DAP3: variants seen among roughly 807,000 people sequenced by gnomAD.
DAP3 encodes the protein small ribosomal subunit protein mS29.
Under a neutral mutation model 51.9 loss-of-function variants are expected in DAP3, and 28 were observed. The ratio of observed to expected loss-of-function variants is 0.54; its 90% CI spans 0.40 to 0.74. The LOEUF (loss-of-function observed/expected upper bound fraction) is 0.74. Ranked by LOEUF, DAP3 falls within the 30% of genes least tolerant of loss-of-function variation. DAP3 has a pLI of 0.00. For synonymous variants in DAP3, 170 were observed against 170.3 expected, an observed-to-expected ratio of 1.00 and a Z score of 0.01; for missense variants, 458 against 483.5, an observed-to-expected ratio of 0.95 and a Z score of 0.49.
At chr1:155,707,796 T>C (rs1656187697) in intron 1 of DAP3, among the ~76,000 whole-genome samples, 2 of 152,312 alleles carry the variant, frequency 1.3e-5, no homozygotes, top group South Asian at 4.1e-4. Flanking sequence ...TGAAGCTTTT[T>C]GGTTTTGAAT....
intron 6 of DAP3, 195 bp downstream of exon 6, chr1:155,726,214 A>G (rs1658567874): frequency 5.1e-6 from 2 of 391,694 alleles, no homozygotes; most frequent in Non-Finnish European, 9.1e-6. Context: ...CCCAGGCTCA[A>G]GAGATTCTCC....
intron 6 of DAP3, 54 bp from the exon 7 acceptor site, chr1:155,727,554 G>C: frequency 6.4e-7 from 1 of 1,574,718 alleles, no homozygotes; most frequent in Non-Finnish European, 8.6e-7. Flanking sequence ...AGAATATTTC[G>C]AGTTGAATAC....
At chr1:155,708,699 T>C (rs1369537101) in intron 1 of DAP3, among the ~76,000 whole-genome samples, 1 of 148,468 alleles carries the variant, frequency 6.7e-6, no homozygotes, top group African/African-American at 2.5e-5. Flanking sequence ...CACTCCTGAC[T>C]AATTTTTTTT....
rs766241879 is a variant in DAP3 at position 155,729,370 on chromosome 1, G to A, written c.843+4G>A. ...GAAAAGAGAAGATAAAAGCCCGGTA[G>A]GAAAACTGGGTGTCTCTATCTTGTT... On this transcript the variant is annotated splice_donor_region_variant and intron_variant, in intron 9 of 12. Transcript: ENST00000368336. The A allele has an allele frequency of 2.7e-5, 43 of 1,612,932 alleles. No individual in the cohort carries two copies. The highest frequency in any genetic ancestry group is 3.6e-5 in the Non-Finnish European group (43 of 1,179,658).
At chr1:155,697,533 C>T (rs981526244) in intron 1 of DAP3, among the ~76,000 whole-genome samples, 2 of 151,992 alleles carry the variant, frequency 1.3e-5, no homozygotes, top group Non-Finnish European at 2.9e-5. Flanking sequence ...GCCCCTGAGC[C>T]GCAAAACCAG....
intron 6 of DAP3, chr1:155,726,284 A>ATT: frequency 5.5e-6 from 1 of 182,886 alleles, no homozygotes; most frequent in Non-Finnish European, 1.0e-5. Flanking sequence ...ACGCCCAGCT[A>ATT]ATTTTTTTTT....
chr1:155,704,647 C>T (rs1655720028), intron 1 of DAP3, among the ~76,000 whole-genome samples: 1 of 152,144 alleles, frequency 6.6e-6, no homozygotes, highest in Non-Finnish European at 1.5e-5. Context: ...ATGTCATATG[C>T]TTCTTGAATG....
Position 155,717,088 on chromosome 1 carries a change from A to G in DAP3, c.128A>G (p.Glu43Gly). ...CACCTAGATAACCAGGTTCCAGTTG[A>G]GAGTCCGAGAGCTATTTCCCGCACC... ...AAHLDNQVPV[E>G]SPRAISRTNE... Residue 43 changes from glutamate to glycine, a missense_variant, in exon 3 of 13, where the codon GAG becomes GGG. By Grantham distance (98) the Glu-to-Gly change is moderately conservative. Transcript: ENST00000368336. 6.2e-7 allele frequency: 1 copy of G among 1,614,120 alleles called. No individual in the cohort carries two copies. The highest frequency in any genetic ancestry group is 8.5e-7 in the Non-Finnish European group (1 of 1,180,030).
rs1657641816 is a variant in DAP3 at position 155,718,743 on chromosome 1, G to GATAGATAGAT, written c.168+1622_168+1623insGATATAGATA. ...AGATAGATAGATAGATAGATAGATA[G>GATAGATAGAT]ATAGATATAGATATAGATGAAGATA... On this transcript the variant is annotated intron_variant, in intron 3 of 12. Transcript: ENST00000368336. Among the ~76,000 whole-genome samples, 6 of 139,192 alleles carry GATAGATAGAT rather than the reference G, an allele frequency of 4.3e-5. No individual in the cohort carries two copies. In the East Asian group the frequency reaches 7.8e-4, roughly 18 times the overall value. The allele number at this position is 139,192 out of a possible 152,430, so 91.3% of individuals were successfully genotyped here. A position where few individuals can be genotyped will look rare whatever the true frequency, so the allele number is the denominator to read the frequency against.
Position 155,731,950 on chromosome 1 carries a change from G to A in DAP3, c.910G>A (p.Gly304Ser). The A allele has an allele frequency of 6.2e-7, 1 of 1,609,396 alleles. No individual in the cohort carries two copies. Among genetic ancestry groups the A allele is most frequent in the Non-Finnish European group, 8.5e-7 (1 of 1,177,988 alleles). Residue 304 changes from glycine to serine, a missense_variant, in exon 11 of 13, where the codon GGC (glycine) becomes AGC (serine). By Grantham distance (56) the Gly-to-Ser change is moderately conservative (BLOSUM62 0). Coordinates refer to ENST00000368336, the MANE Select transcript of DAP3 (RefSeq NM_004632.4). Reference sequence around the variant, plus strand: ...CTTTTCTCTTTTCTTTCAGCATGGAGGCGCCATTGTGTCGGCTTTGAGCCA... The same window carrying A: ...CTTTTCTCTTTTCTTTCAGCATGGAAGCGCCATTGTGTCGGCTTTGAGCCA... ...RKMMKNDWHG[G>S]AIVSALSQTG...
Position 155,725,408 on chromosome 1 carries a change from G to A in DAP3, c.297G>A (p.Leu99=). ...MQVKTFSEAC[L]MVRKPALELL... Reference sequence around the variant, plus strand: ...TGAAGACATTCAGTGAAGCTTGCCTGATGGTAAGGAAACCAGCCCTAGAAC... The same window carrying A: ...TGAAGACATTCAGTGAAGCTTGCCTAATGGTAAGGAAACCAGCCCTAGAAC... The change falls in exon 5 of 13, where the codon CTG becomes CTA. Residue 99 remains leucine, a synonymous_variant. Coordinates refer to ENST00000368336, the MANE Select transcript of DAP3 (RefSeq NM_004632.4). The A allele has an allele frequency of 6.2e-7, 1 of 1,614,042 alleles. No homozygotes were observed. Among genetic ancestry groups the A allele is most frequent in the East Asian group, 2.2e-5 (1 of 44,884 alleles).
chr1:155,701,667 A>C (rs1039659269), intron 1 of DAP3, among the ~76,000 whole-genome samples: 1 of 136,748 alleles, frequency 7.3e-6, no homozygotes, highest in Non-Finnish European at 1.5e-5. Flanking sequence ...ACACCCAAGA[A>C]TTATCAATAA....
intron 4 of DAP3, chr1:155,721,883 C>T: frequency 1.9e-6 from 1 of 517,356 alleles, no homozygotes; most frequent in Non-Finnish European, 3.4e-6. Context: ...TAAAATTTGC[C>T]TTGGCAAAAT....
rs1349902753 is a variant in DAP3 at position 155,696,807 on chromosome 1, GTTA to G, written c.-8+7637_-8+7639del. ...AATGATATCTGGCTGCAGGTTCTTT[GTTA>G]TTAATGGCAGGGATAGTAAAGGCAA... On this transcript the variant is annotated intron_variant, in intron 1 of 12. Transcript: ENST00000368336. Among the ~76,000 whole-genome samples the G allele has an allele frequency of 7.9e-5, 12 of 152,296 alleles. No individual in the cohort carries two copies. The East Asian group carries it at 1.4e-3, about 17-fold the overall frequency.
At chr1:155,705,490 C>T (rs1655842142) in intron 1 of DAP3, among the ~76,000 whole-genome samples, 1 of 150,012 alleles carries the variant, frequency 6.7e-6, no homozygotes, top group Admixed American at 6.6e-5. Flanking sequence ...ATATTCCCAG[C>T]TACTTGAAAG....
chr1:155,728,104 AT>A (rs766081201), intron 7 of DAP3, among the ~76,000 whole-genome samples: 1 of 152,072 alleles, frequency 6.6e-6, no homozygotes, highest in Admixed American at 6.6e-5. Context: ...TACCCTGGTG[AT>A]TCTTAGATAC....
At chr1:155,709,339 T>A (rs1656410943) in intron 1 of DAP3, among the ~76,000 whole-genome samples, 1 of 152,134 alleles carries the variant, frequency 6.6e-6, no homozygotes, top group African/African-American at 2.4e-5. Flanking sequence ...AAAGACAGGG[T>A]CTCACTTTGT....
chr1:155,709,751 AC>A lies in DAP3; in HGVS notation c.-7-21del, dbSNP rs768798268. On this transcript the variant is annotated intron_variant, in intron 1 of 12. Transcript: ENST00000368336. ...TTTCCCATTTGTGGTTTACCTTTTCACTTTTTTTTTTTTTGTAACAGTGCAA... is the reference window on the plus strand; with the variant it reads ...TTTCCCATTTGTGGTTTACCTTTTCATTTTTTTTTTTTTGTAACAGTGCAA... 14 of 1,521,482 alleles carry A rather than the reference AC, an allele frequency of 9.2e-6. No individual in the cohort carries two copies. The South Asian group carries it at 1.5e-4, about 16-fold the overall frequency. The allele number at this position is 1,521,482 out of a possible 1,614,324, so 94.2% of individuals were successfully genotyped here. A position where few individuals can be genotyped will look rare whatever the true frequency, so the allele number is the denominator to read the frequency against.
At chr1:155,689,006 C>T (rs1395424668), upstream of DAP3, 11 of 1,595,794 alleles carry the variant, frequency 6.9e-6, no homozygotes, top group Non-Finnish European at 9.4e-6. Context: ...CGAGGGCGGC[C>T]TAGCGCCCCT....
Sources: gnomAD v4.1 joint callset for allele counts (sites outside exome capture counted in the v4.1 genomes callset) on GRCh38, gnomAD v4.1.1 for gene constraint, MANE v1.5 for transcripts, NCBI Gene and HGNC (gene_info 2026-07-23, HGNC 2026-07-21) for gene names.